Variants in ZFHX3 observed in about 807,000 individuals in gnomAD.
The protein encoded by ZFHX3 is zinc finger homeobox protein 3.
Under a neutral mutation model 279.1 loss-of-function variants are expected in ZFHX3, and 42 were observed. The ratio of observed to expected loss-of-function variants is 0.15; its 90% CI spans 0.12 to 0.19. The LOEUF (loss-of-function observed/expected upper bound fraction) is 0.19, where lower values mean the gene tolerates loss of function less well. ZFHX3 is among the 10% of genes least tolerant of loss of function. ZFHX3 has a pLI of 1.00. For missense variants in ZFHX3, 4,981 were observed against 4,754.0 expected (o/e 1.05, Z -1.40); for synonymous variants, 2,293 against 1,957.8 (o/e 1.17, Z -4.52).
intron 1 of ZFHX3, chr16:73,014,248 T>C (rs1964016606): frequency 6.6e-6 from 1 of 151,774 alleles, no homozygotes; most frequent in South Asian, 2.1e-4. Context: ...CTACTGAAAC[T>C]GATTTCAGAC....
chr16:72,900,389 C>G (rs1361292117), intron 3 of ZFHX3, among the ~76,000 whole-genome samples: 1 of 152,198 alleles, frequency 6.6e-6, no homozygotes, highest in Non-Finnish European at 1.5e-5. Flanking sequence ...CACGTGTCTA[C>G]TGGTCAAAAC....
intron 3 of ZFHX3, among the ~76,000 whole-genome samples, chr16:73,411,498 CTTCT>C (rs1294428298): frequency 1.3e-5 from 2 of 152,048 alleles, no homozygotes; most frequent in Non-Finnish European, 2.9e-5. Flanking sequence ...TCCATTTATA[CTTCT>C]TTGTTTTTTT....
chr16:73,540,529 GAGT>G (rs1358188494), intron 2 of ZFHX3, among the ~76,000 whole-genome samples: 2 of 152,308 alleles, frequency 1.3e-5, no homozygotes, highest in African/African-American at 4.8e-5. Flanking sequence ...TCAATCATTT[GAGT>G]AGAAGTAAAA....
chr16:73,777,764 T>C (rs1293251326), intron 1 of ZFHX3, among the ~76,000 whole-genome samples: 1 of 152,196 alleles, frequency 6.6e-6, no homozygotes, highest in Non-Finnish European at 1.5e-5. Context: ...GGTGACATGT[T>C]ATCTCCATTT....
intron 4 of ZFHX3, among the ~76,000 whole-genome samples, chr16:73,287,969 C>G (rs1219552385): frequency 1.3e-5 from 2 of 152,094 alleles, no homozygotes; most frequent in South Asian, 2.1e-4. Context: ...CTCCTCCAAG[C>G]CTTCTTGCTG....
At position 73,880,343 on chromosome 16, in the gene ZFHX3, T is replaced by A. The variant is rs181374346; in HGVS notation, c.-1608+11308A>T. ...AGGGGCTTCACTATTCAAAGGCAAA[T>A]AATAAACTGAAAAATAGGTCATCTT... On this transcript the variant is annotated intron_variant, in intron 1 of 17. Coordinates refer to the ZFHX3 transcript ENST00000641206. Among the ~76,000 whole-genome samples the A allele has an allele frequency of 5.5e-3, 832 of 151,578 alleles. 3 individuals carry two copies. The highest frequency in any genetic ancestry group is 8.8e-3 in the Non-Finnish European group (599 of 67,992).
intron 7 of ZFHX3, among the ~76,000 whole-genome samples, chr16:73,097,072 G>A (rs370664693): frequency 2.7e-5 from 4 of 150,432 alleles, no homozygotes; most frequent in Non-Finnish European, 3.0e-5. Context: ...TCCTTCTTTC[G>A]AGGTGGGGTC....
intron 5 of ZFHX3, among the ~76,000 whole-genome samples, chr16:73,183,902 G>A (rs908502943): frequency 6.6e-6 from 1 of 151,964 alleles, no homozygotes; most frequent in Admixed American, 6.6e-5. Flanking sequence ...ATCTCTCTTT[G>A]CCCTGGAATA....
intron 3 of ZFHX3, among the ~76,000 whole-genome samples, chr16:73,358,903 T>C (rs2016388890): frequency 6.6e-6 from 1 of 152,192 alleles, no homozygotes; most frequent in African/African-American, 2.4e-5. Flanking sequence ...GAGGTAATAA[T>C]AAGAGTCACC....
intron 1 of ZFHX3, among the ~76,000 whole-genome samples, chr16:73,723,056 A>G (rs566148839): frequency 5.8e-4 from 88 of 152,270 alleles, no homozygotes; most frequent in Non-Finnish European, 9.9e-4. Flanking sequence ...CTTTCCATTA[A>G]TGAGACCATA....
intron 2 of ZFHX3, among the ~76,000 whole-genome samples, chr16:73,461,034 A>G (rs2018462483): frequency 6.6e-6 from 1 of 152,240 alleles, no homozygotes; most frequent in South Asian, 2.1e-4. Flanking sequence ...GCAATGCAAG[A>G]ACAAACTAAT....
intron 4 of ZFHX3, among the ~76,000 whole-genome samples, chr16:73,292,524 A>C (rs1205073914): frequency 7.9e-5 from 12 of 152,366 alleles, no homozygotes. Context: ...AACTCAAAAT[A>C]TGTAAATTCT....
intron 2 of ZFHX3, among the ~76,000 whole-genome samples, chr16:73,477,444 C>T (rs534478394): frequency 2.0e-5 from 3 of 152,160 alleles, no homozygotes; most frequent in Non-Finnish European, 2.9e-5. Context: ...ATAATAAAAT[C>T]AATAGTTGCA....
intron 4 of ZFHX3, among the ~76,000 whole-genome samples, chr16:73,301,686 T>A (rs1360868371): frequency 6.6e-6 from 1 of 151,538 alleles, no homozygotes; most frequent in Non-Finnish European, 1.5e-5. Flanking sequence ...CATTGCCAAG[T>A]CCCTCATGGC....
intron 1 of ZFHX3, among the ~76,000 whole-genome samples, chr16:73,010,393 G>GGC (rs775562137): frequency 1.1e-3 from 166 of 152,338 alleles, no homozygotes; most frequent in Middle Eastern, 6.8e-3. Flanking sequence ...GCTGGCCTTT[G>GGC]GCCCATTCCC....
intron 5 of ZFHX3, among the ~76,000 whole-genome samples, chr16:73,147,691 CAAAAAAAA>C (rs56079754): frequency 2.2e-4 from 9 of 40,886 alleles, no homozygotes; most frequent in East Asian, 1.9e-3. Flanking sequence ...GACTCCGTCT[CAAAAAAAA>C]AAAAAAAAAA....
chr16:73,144,142 C>A (rs4511564), intron 5 of ZFHX3, among the ~76,000 whole-genome samples: 17,690 of 152,100 alleles, frequency 0.12, 1,046 homozygotes, highest in East Asian at 0.14. Flanking sequence ...AATTAAAAAT[C>A]ATAAAACACT....
At chr16:73,816,635 G>T (rs997862965) in intron 1 of ZFHX3, among the ~76,000 whole-genome samples, 3 of 152,164 alleles carry the variant, frequency 2.0e-5, no homozygotes, top group South Asian at 4.1e-4. Flanking sequence ...GAGATGGGGG[G>T]GGAGAGAAAA....
chr16:72,891,411 G>A (rs751196301), intron 3 of ZFHX3, among the ~76,000 whole-genome samples: 12 of 152,244 alleles, frequency 7.9e-5, no homozygotes, highest in South Asian at 2.1e-4. Flanking sequence ...ACTTAAAGAC[G>A]ACCCAACAAC....
Sources: allele counts gnomAD v4.1 joint callset (sites outside exome capture counted in the v4.1 genomes callset), GRCh38; gene constraint gnomAD v4.1.1; transcripts MANE v1.5; gene names NCBI Gene and HGNC (gene_info 2026-07-23, HGNC 2026-07-21).